Variants in GON7 observed in about 807,000 individuals in gnomAD.
The protein encoded by GON7 is GON7 subunit of KEOPS complex.
A neutral mutation model predicts 7.6 loss-of-function variants in GON7; 2 were observed. The ratio of observed to expected loss-of-function variants is 0.26; its 90% confidence interval spans 0.11 to 0.83. The LOEUF is 0.83. Among genes scored for constraint, GON7 ranks in the 40% least tolerant of loss-of-function variants. The pLI is 0.65. For missense variants in GON7, 121 were observed against 132.2 expected (o/e 0.92, Z 0.42); for synonymous variants, 54 against 56.6 (o/e 0.95, Z 0.20).
chr14:93,204,357 A>G (rs749279034), intron 1 of GON7, among the ~76,000 whole-genome samples: 6 of 152,224 alleles, frequency 3.9e-5, no homozygotes, highest in Non-Finnish European at 8.8e-5. Flanking sequence ...AGCTTGTGCA[A>G]CCATCACCTA....
At chr14:93,205,980 C>T (rs1055662990) in intron 1 of GON7, among the ~76,000 whole-genome samples, 3 of 152,150 alleles carry the variant, frequency 2.0e-5, no homozygotes, top group Non-Finnish European at 2.9e-5. Flanking sequence ...GCAACAGTTA[C>T]AGAGGACCAC....
rs374383379 is a variant in GON7 at position 93,207,043 on chromosome 14, C to T, written c.-6G>A. The T allele has an allele frequency of 6.8e-4, 1,092 of 1,612,434 alleles. No homozygotes were observed. The highest frequency in any genetic ancestry group is 8.7e-4 in the Non-Finnish European group (1,027 of 1,179,714). On this transcript the variant is annotated 5_prime_UTR_variant, in exon 1 of 2. Coordinates refer to ENST00000306954, the MANE Select transcript of GON7 (RefSeq NM_032490.5). Reference sequence around the variant, plus strand: ...TACTCTCCCAGCAGCTCCATGGTGACCGCTAAGCTTCCAGAACACGACACC... The same window carrying T: ...TACTCTCCCAGCAGCTCCATGGTGATCGCTAAGCTTCCAGAACACGACACC...
chr14:93,204,461 T>C (rs373971956), intron 1 of GON7, among the ~76,000 whole-genome samples: 9 of 152,220 alleles, frequency 5.9e-5, no homozygotes, highest in Non-Finnish European at 1.0e-4. Flanking sequence ...CTACTTTTTT[T>C]CCCCCTTATT....
At position 93,206,919 on chromosome 14, in the gene GON7, A is replaced by G; in HGVS notation, c.119T>C (p.Met40Thr). 6.8e-6 allele frequency: 11 copies of G among 1,614,138 alleles called. No individual in the cohort carries two copies. Among genetic ancestry groups the G allele is most frequent in the Non-Finnish European group, 9.3e-6 (11 of 1,180,026 alleles). The change falls in exon 1 of 2, where the codon ATG (methionine) becomes ACG (threonine). Residue 40 changes from methionine to threonine, a missense_variant. By Grantham distance (81) the Met-to-Thr change is moderately conservative. Transcript: ENST00000306954. ...FQGLLSGVAQ[M>T]KDMVTELFDP... ...GAATAATTCCGTTACCATGTCCTTCATCTGGGCCACGCCAGACAACAGGCC... is the reference window on the plus strand; with the variant it reads ...GAATAATTCCGTTACCATGTCCTTCGTCTGGGCCACGCCAGACAACAGGCC...
In GON7 at chr14:93,206,895, A is replaced by G. The variant is rs1162647908; in HGVS notation, c.143T>C (p.Phe48Ser). 1.2e-6 allele frequency: 2 copies of G among 1,614,048 alleles called. No individual in the cohort carries two copies. Among genetic ancestry groups the G allele is most frequent in the African/African-American group, 2.7e-5 (2 of 74,922 alleles). Reference protein sequence around the residue: ...AQMKDMVTELFDPLVQGEVQH... With the variant: ...AQMKDMVTELSDPLVQGEVQH... ...CACTTCCCCCTGTACCAGAGGGTCGAATAATTCCGTTACCATGTCCTTCAT... is the reference window on the plus strand; with the variant it reads ...CACTTCCCCCTGTACCAGAGGGTCGGATAATTCCGTTACCATGTCCTTCAT... The change falls in exon 1 of 2, where the codon TTC (phenylalanine) becomes TCC (serine). Residue 48 changes from phenylalanine (F) to serine (S), a missense_variant. By Grantham distance (155) the Phe-to-Ser change is radical. Transcript: ENST00000306954.
At chr14:93,205,535 C>T (rs984662088) in intron 1 of GON7, among the ~76,000 whole-genome samples, 7 of 151,890 alleles carry the variant, frequency 4.6e-5, no homozygotes, top group Admixed American at 2.0e-4. Context: ...GGAGTGGGGG[C>T]GGGTGCCTGT....
At position 93,203,563 on chromosome 14, in the gene GON7, G is replaced by T; in HGVS notation, c.*125C>A. 1 of 703,158 alleles carries T rather than the reference G, an allele frequency of 1.4e-6. No individual in the cohort carries two copies. Among genetic ancestry groups the T allele is most frequent in the South Asian group, 2.4e-5 (1 of 41,608 alleles). The allele number at this position is 703,158 out of a possible 1,614,324, so 43.6% of individuals were successfully genotyped here. A position where few individuals can be genotyped will look rare whatever the true frequency, so the allele number is the denominator to read the frequency against. ...AAACAGAAAAACCAGTTTTCTCTTT[G>T]ACAAAATTGTCCCAGGAGAACAACA... On this transcript the variant is annotated 3_prime_UTR_variant, in exon 2 of 2. Transcript: ENST00000306954.
chr14:93,203,764 GCATCATCTT>G lies in GON7; in HGVS notation c.218_226del (p.Glu73_Asp75del). 6.2e-7 allele frequency: 1 copy of G among 1,613,418 alleles called. No homozygotes were observed. Among genetic ancestry groups the G allele is most frequent in the South Asian group, 1.1e-5 (1 of 91,038 alleles). On this transcript the variant is annotated inframe_deletion, in exon 2 of 2. Coordinates refer to ENST00000306954, the MANE Select transcript of GON7 (RefSeq NM_032490.5). The stretch of plus-strand genomic sequence containing the variant: ...GTTATCAATGTTATTTTCATCTTCT[GCATCATCTT>G]CATCATCACCTTTTAAAATAAATAT...
chr14:93,206,801 G>A, intron 1 of GON7, 29 bp downstream of exon 1: 4 of 1,592,616 alleles, frequency 2.5e-6, no homozygotes, highest in Non-Finnish European at 2.6e-6. Flanking sequence ...CCCGTCCTCC[G>A]GTCACTGCAG....
At chr14:93,204,703 C>G (rs923553722) in intron 1 of GON7, among the ~76,000 whole-genome samples, 1 of 152,222 alleles carries the variant, frequency 6.6e-6, no homozygotes, top group Non-Finnish European at 1.5e-5. Flanking sequence ...TTTCAAGGTT[C>G]ATTCATGTTG....
In GON7 at chr14:93,203,138, G is replaced by A. The variant is rs1048269065; in HGVS notation, c.*550C>T. 6.5e-6 allele frequency: 1 copy of A among 152,996 alleles called. No homozygotes were observed. Among genetic ancestry groups the A allele is most frequent in the African/African-American group, 2.4e-5 (1 of 41,458 alleles). 9.5% of individuals were successfully genotyped at this position (152,996 alleles called of 1,614,324 possible). A position where few individuals can be genotyped will look rare whatever the true frequency, so the allele number is the denominator to read the frequency against. Reference sequence around the variant, plus strand: ...TCAAAGTGGCATCATCTCAGGATATGTGCATATTTGACGTGGGTATGAATT... The same window carrying A: ...TCAAAGTGGCATCATCTCAGGATATATGCATATTTGACGTGGGTATGAATT... On this transcript the variant is annotated 3_prime_UTR_variant, in exon 2 of 2. Transcript: ENST00000306954.
chr14:93,206,570 G>T (rs566963217), intron 1 of GON7, among the ~76,000 whole-genome samples: 2 of 152,006 alleles, frequency 1.3e-5, no homozygotes, highest in Non-Finnish European at 2.9e-5. Context: ...AATAATAATA[G>T]AAACGGGGTC....
chr14:93,205,745 T>C (rs1025908423), intron 1 of GON7, among the ~76,000 whole-genome samples: 1 of 152,164 alleles, frequency 6.6e-6, no homozygotes, highest in Non-Finnish European at 1.5e-5. Flanking sequence ...TTCATGTTTC[T>C]ACTTTCAAAC....
chr14:93,206,686 C>T (rs939491833), intron 1 of GON7, 144 bp downstream of exon 1: 3 of 886,072 alleles, frequency 3.4e-6, no homozygotes, highest in South Asian at 1.8e-5. Flanking sequence ...CTTCGCCTAG[C>T]CCGCCAAAAA....
intron 1 of GON7, among the ~76,000 whole-genome samples, chr14:93,205,440 C>T (rs997279075): frequency 6.6e-6 from 1 of 152,086 alleles, no homozygotes; most frequent in African/African-American, 2.4e-5. Context: ...GAGGCTGAGG[C>T]GGGTGGATCA....
intron 1 of GON7, 133 bp downstream of exon 1, chr14:93,206,697 T>C: frequency 9.6e-7 from 1 of 1,040,772 alleles, no homozygotes; most frequent in Non-Finnish European, 1.4e-6. Flanking sequence ...CCGCCAAAAA[T>C]TTTTAGATGC....
intron 1 of GON7, 108 bp downstream of exon 1, chr14:93,206,722 C>T (rs892702957): frequency 5.0e-6 from 6 of 1,201,056 alleles, no homozygotes; most frequent in African/African-American, 4.6e-5. Context: ...CTTCTTTCCT[C>T]GAGGCTCACT....
intron 1 of GON7, among the ~76,000 whole-genome samples, chr14:93,205,858 T>C (rs1038987150): frequency 6.6e-5 from 10 of 152,176 alleles, no homozygotes; most frequent in Non-Finnish European, 5.9e-5. Context: ...CTGCGATAGA[T>C]TGTACTCTTC....
intron 1 of GON7, among the ~76,000 whole-genome samples, chr14:93,205,973 A>G (rs1270939535): frequency 6.6e-6 from 1 of 152,116 alleles, no homozygotes; most frequent in Non-Finnish European, 1.5e-5. Context: ...TGGGTTTGCA[A>G]CAGTTACAGA....
Sources: gnomAD v4.1 joint callset for allele counts (sites outside exome capture counted in the v4.1 genomes callset) on GRCh38, gnomAD v4.1.1 for gene constraint, MANE v1.5 for transcripts, NCBI Gene and HGNC (gene_info 2026-07-23, HGNC 2026-07-21) for gene names.